The following WWOX variants were observed in gnomAD, a reference collection of about 807,000 sequenced individuals.
WWOX encodes the protein WW domain containing oxidoreductase.
Under a neutral mutation model 46.2 loss-of-function variants are expected in WWOX, and 69 were observed. The observed-to-expected ratio is 1.49, with a 90% CI of 1.23 to 1.82. WWOX has a LOEUF of 1.82. Ranked by LOEUF, WWOX falls within the 40% of genes most tolerant of loss-of-function variation. The probability of loss-of-function intolerance (pLI) is 0.00; values close to 1 mark genes in which losing one functional copy is unlikely to be tolerated. For missense variants in WWOX, 919 were observed against 542.6 expected (o/e 1.69, Z -6.89); for synonymous variants, 359 against 202.6 (o/e 1.77, Z -6.56).
intron 6 of WWOX, among the ~76,000 whole-genome samples, chr16:78,393,139 G>A (rs527850473): frequency 1.3e-5 from 2 of 152,290 alleles, no homozygotes; most frequent in Admixed American, 6.5e-5. Flanking sequence ...CAGCAGTGGT[G>A]TCCATAGGAG....
intron 5 of WWOX, among the ~76,000 whole-genome samples, chr16:78,224,592 CA>C (rs1193383130): frequency 6.6e-6 from 1 of 152,054 alleles, no homozygotes; most frequent in Non-Finnish European, 1.5e-5. Context: ...ACAGGTTATT[CA>C]CAGCTTTTCT....
At chr16:78,497,757 G>T (rs1240051562) in intron 8 of WWOX, among the ~76,000 whole-genome samples, 1 of 151,970 alleles carries the variant, frequency 6.6e-6, no homozygotes, top group African/African-American at 2.4e-5. Flanking sequence ...ACAGTGGTTG[G>T]GTCTGGAGAT....
intron 8 of WWOX, among the ~76,000 whole-genome samples, chr16:78,822,185 C>G (rs2051516930): frequency 6.6e-6 from 1 of 151,562 alleles, no homozygotes; most frequent in African/African-American, 2.4e-5. Flanking sequence ...CTTAAATAAA[C>G]TCTTTAGTGT....
At position 78,103,248 on chromosome 16, in the gene WWOX, T is replaced by TG. The variant is rs201941846; in HGVS notation, c.107+3363_107+3364insG. Among the ~76,000 whole-genome samples the TG allele has an allele frequency of 8.8e-3, 461 of 52,252 alleles. 3 individuals are homozygous for TG. The highest frequency in any genetic ancestry group is 0.018 in the African/African-American group (446 of 24,722). 34.3% of individuals were successfully genotyped at this position (52,252 alleles called of 152,430 possible). A position where few individuals can be genotyped will look rare whatever the true frequency, so the allele number is the denominator to read the frequency against. ...TGGCCTCTCTGGCTCCGCTGTTTTT[T>TG]TTTTTTTTTTTTTTTTAATTTAATT... On this transcript the variant is annotated intron_variant, in intron 1 of 8. Transcript: ENST00000566780.
intron 8 of WWOX, among the ~76,000 whole-genome samples, chr16:78,537,822 C>G (rs571240733): frequency 1.3e-5 from 2 of 152,116 alleles, no homozygotes; most frequent in African/African-American, 2.4e-5. Flanking sequence ...AGGGCCAGAA[C>G]GATCCACCCA....
intron 5 of WWOX, chr16:78,355,481 A>T (rs1163282284): frequency 5.9e-6 from 2 of 340,464 alleles, no homozygotes; most frequent in African/African-American, 4.5e-5. Context: ...GGGCACCTGT[A>T]GTCCCAGCTA....
At chr16:79,003,125 C>T (rs527585430) in intron 8 of WWOX, among the ~76,000 whole-genome samples, 46 of 152,258 alleles carry the variant, frequency 3.0e-4, no homozygotes, top group African/African-American at 1.1e-3. Flanking sequence ...TTGCAGTGAG[C>T]AGAGATAAGC....
Position 79,059,825 on chromosome 16 carries a change from C to T in WWOX, c.1057-151783C>T, listed in dbSNP as rs556501057. 3.8e-3 allele frequency among the ~76,000 whole-genome samples: 580 copies of T among 152,290 alleles called. 1 individual carries two copies. The highest frequency in any genetic ancestry group is 0.018 in the South Asian group (88 of 4,826). ...CGTGTGTCAGAGACAACATTACCCTCTTATTACTTAAAAGTAATTTGGACT... is the reference window on the plus strand; with the variant it reads ...CGTGTGTCAGAGACAACATTACCCTTTTATTACTTAAAAGTAATTTGGACT... On this transcript the variant is annotated intron_variant, in intron 8 of 8. Coordinates refer to ENST00000566780, the MANE Select transcript of WWOX (RefSeq NM_016373.4).
intron 5 of WWOX, among the ~76,000 whole-genome samples, chr16:78,268,435 T>C (rs1159720987): frequency 2.0e-5 from 3 of 152,208 alleles, no homozygotes; most frequent in Admixed American, 6.5e-5. Context: ...GGAAAAGAGC[T>C]AACCTTTGTG....
At chr16:79,207,338 C>T (rs1006607890) in intron 8 of WWOX, among the ~76,000 whole-genome samples, 33 of 152,352 alleles carry the variant, frequency 2.2e-4, no homozygotes, top group South Asian at 1.4e-3. Context: ...ATGTGTCTTT[C>T]CTTTTAGCCA....
chr16:79,000,754 C>T (rs1009585720), intron 8 of WWOX, among the ~76,000 whole-genome samples: 1 of 152,110 alleles, frequency 6.6e-6, no homozygotes, highest in Admixed American at 6.5e-5. Flanking sequence ...GTTACAGCAG[C>T]CAGAGGAAGC....
At chr16:78,173,404 T>A (rs1456095454) in intron 5 of WWOX, among the ~76,000 whole-genome samples, 11 of 152,052 alleles carry the variant, frequency 7.2e-5, no homozygotes, top group African/African-American at 2.7e-4. Context: ...TCCTCCCATC[T>A]CTGCCTCCTG....
At chr16:79,183,749 G>C (rs139680059) in intron 8 of WWOX, among the ~76,000 whole-genome samples, 99 of 152,282 alleles carry the variant, frequency 6.5e-4, no homozygotes, top group African/African-American at 2.0e-3. Context: ...CTACAGATGA[G>C]AAAATGGAGG....
intron 8 of WWOX, among the ~76,000 whole-genome samples, chr16:78,939,182 T>C (rs571546881): frequency 6.6e-6 from 1 of 152,236 alleles, no homozygotes; most frequent in East Asian, 1.9e-4. Context: ...CAGAACAGTT[T>C]ATATAATCAT....
intron 8 of WWOX, among the ~76,000 whole-genome samples, chr16:78,700,893 G>C (rs180956340): frequency 1.2e-4 from 18 of 152,264 alleles, no homozygotes; most frequent in Admixed American, 1.1e-3. Context: ...AACCCAAAGG[G>C]CTATGGTGAA....
At chr16:78,294,760 A>G (rs2079916698) in intron 5 of WWOX, among the ~76,000 whole-genome samples, 1 of 152,084 alleles carries the variant, frequency 6.6e-6, no homozygotes, top group Non-Finnish European at 1.5e-5. Context: ...TGAGAGAGAG[A>G]CAAGAAAGGA....
Position 78,822,781 on chromosome 16 carries a change from C to A in WWOX, c.1057-388827C>A, listed in dbSNP as rs2051539161. ...AAGGGAACTAAAGGTAGGGGAGATT[C>A]TTAAGGAAGTCTACTTTCTCTTCAA... On this transcript the variant is annotated intron_variant, in intron 8 of 8. Transcript: ENST00000566780. 2.0e-5 allele frequency among the ~76,000 whole-genome samples: 3 copies of A among 152,236 alleles called. No individual in the cohort carries two copies. In the South Asian group the frequency reaches 6.2e-4, roughly 32 times the overall value.
At chr16:78,432,431 A>T in intron 7 of WWOX, 57 bp from the exon 8 acceptor site, 1 of 1,602,310 alleles carries the variant, frequency 6.2e-7, no homozygotes. Context: ...ATAAAAATAA[A>T]AAGCTGTGTG....
At chr16:78,667,731 C>A (rs1258297050) in intron 8 of WWOX, among the ~76,000 whole-genome samples, 1 of 151,570 alleles carries the variant, frequency 6.6e-6, no homozygotes, top group African/African-American at 2.4e-5. Context: ...ATGAGAACAC[C>A]CATTACTCTG....
Sources: gnomAD v4.1 joint callset for allele counts (sites outside exome capture counted in the v4.1 genomes callset) on GRCh38, gnomAD v4.1.1 for gene constraint, MANE v1.5 for transcripts, NCBI Gene and HGNC (gene_info 2026-07-23, HGNC 2026-07-21) for gene names.